Variants in PGBD2 observed in about 807,000 individuals in gnomAD.
PGBD2 encodes the protein piggyBac transposable element-derived protein 2.
A neutral mutation model predicts 8.1 loss-of-function variants in PGBD2; 6 were observed. The ratio of observed to expected loss-of-function variants is 0.74; its 90% CI spans 0.40 to 1.46. The LOEUF is 1.46. Ranked by LOEUF, PGBD2 falls within the 40% of genes most tolerant of loss-of-function variation. The pLI is 0.02. For missense variants in PGBD2, 802 were observed against 739.0 expected (o/e 1.09, Z -0.99); for synonymous variants, 318 against 272.2 (o/e 1.17, Z -1.66).
At chr1:248,922,383 A>G (rs532756797), downstream of PGBD2, among the ~76,000 whole-genome samples, 59 of 152,260 alleles carry the variant, frequency 3.9e-4, no homozygotes, top group African/African-American at 1.3e-3. Flanking sequence ...TTCTAAATAT[A>G]CAATCATGTC....
chr1:248,906,242 G>T lies in PGBD2; in HGVS notation c.-148G>T, dbSNP rs1661627274. On this transcript the variant is annotated 5_prime_UTR_variant, in exon 1 of 3. Coordinates refer to ENST00000329291, the MANE Select transcript of PGBD2 (RefSeq NM_170725.3). ...AGCGAGCCCTCTGGTGCCGGACGTT[G>T]CGCGGCCGCGACGCCCGACGCCAAC... The T allele has an allele frequency of 6.6e-6, 1 of 151,998 alleles. No individual in the cohort carries two copies. The highest frequency in any genetic ancestry group is 6.5e-5 in the Admixed American group (1 of 15,276). 9.4% of individuals were successfully genotyped at this position (151,998 alleles called of 1,614,324 possible).
chr1:248,876,593 T>C, the PGBD2 span, among the ~76,000 whole-genome samples: 1 of 152,210 alleles, frequency 6.6e-6, no homozygotes, highest in East Asian at 1.9e-4. Context: ...TATATTTTGG[T>C]AAATAGGCAG....
chr1:248,875,958 C>T, the PGBD2 span, among the ~76,000 whole-genome samples: 1 of 150,752 alleles, frequency 6.6e-6, no homozygotes, highest in Non-Finnish European at 1.5e-5. Context: ...GTTCCTAGAA[C>T]TGTACACATT....
chr1:248,921,364 A>G (rs546428855), downstream of PGBD2, among the ~76,000 whole-genome samples: 7 of 152,264 alleles, frequency 4.6e-5, no homozygotes, highest in Non-Finnish European at 1.0e-4. Flanking sequence ...CATATGGCTA[A>G]CCAGTTTTCC....
chr1:248,906,851 C>T (rs145736055), intron 1 of PGBD2, among the ~76,000 whole-genome samples: 10 of 152,034 alleles, frequency 6.6e-5, no homozygotes, highest in Non-Finnish European at 1.0e-4. Context: ...TTCTCTTTTG[C>T]TAGTGAGGTG....
the PGBD2 span, among the ~76,000 whole-genome samples, chr1:248,877,482 C>G: frequency 6.6e-6 from 1 of 151,998 alleles, no homozygotes; most frequent in Admixed American, 6.6e-5. Flanking sequence ...CAGGTGCATT[C>G]AGAATAAAGA....
chr1:248,917,400 G>T lies in PGBD2; in HGVS notation c.816G>T (p.Met272Ile). ...AGTTCTACAGCTTTGGCGAGTCTAT[G>T]TGTGAGTACTTTGGGCACCGGGGGT... is the stretch of plus-strand genomic sequence containing the variant. Reference protein sequence around the residue: ...LEEFYSFGESMCEYFGHRGSK... With the variant: ...LEEFYSFGESICEYFGHRGSK... The change falls in exon 3 of 3, where the codon ATG becomes ATT. Residue 272 changes from methionine (M) to isoleucine (I), a missense_variant. Transcript: ENST00000329291. 1 of 1,614,170 alleles carries T rather than the reference G, an allele frequency of 6.2e-7. No individual in the cohort carries two copies. Among genetic ancestry groups the T allele is most frequent in the South Asian group, 1.1e-5 (1 of 91,082 alleles).
downstream of PGBD2, among the ~76,000 whole-genome samples, chr1:248,920,956 C>G (rs1358310892): frequency 6.7e-6 from 1 of 150,330 alleles, no homozygotes; most frequent in Non-Finnish European, 1.5e-5. Context: ...TGAGAAGTGT[C>G]TGTTCATATT....
downstream of PGBD2, among the ~76,000 whole-genome samples, chr1:248,924,243 C>T (rs1052376199): frequency 1.6e-4 from 24 of 152,188 alleles, no homozygotes; most frequent in African/African-American, 5.3e-4. Context: ...CTTTCTTATG[C>T]GCTTTTTTTC....
chr1:248,878,470 C>T, the PGBD2 span, among the ~76,000 whole-genome samples: 2 of 152,200 alleles, frequency 1.3e-5, no homozygotes, highest in Non-Finnish European at 2.9e-5. Context: ...AGCCACCGCA[C>T]CTGCTTCCAC....
At chr1:248,915,701 A>G (rs1196899082) in intron 2 of PGBD2, among the ~76,000 whole-genome samples, 1 of 152,166 alleles carries the variant, frequency 6.6e-6, no homozygotes, top group Non-Finnish European at 1.5e-5. Flanking sequence ...ATGTTTTCCA[A>G]ATTGATTTGG....
rs1298269256 is a variant in PGBD2, at chr1:248,917,746, A to AAAG, written c.1165_1167dup (p.Glu389dup). ...TGAGCGATGTCCCCTAAAAGACCCC[A>AAAG]AAGAACTGAAAAAAATGAAGAGGGG... On this transcript the variant is annotated inframe_insertion, in exon 3 of 3. Transcript: ENST00000329291. 6.2e-7 allele frequency: 1 copy of AAAG among 1,614,210 alleles called. No homozygotes were observed. The highest frequency in any genetic ancestry group is 1.1e-5 in the South Asian group (1 of 91,088).
chr1:248,924,049 C>A (rs890768381), downstream of PGBD2, among the ~76,000 whole-genome samples: 59 of 152,318 alleles, frequency 3.9e-4, no homozygotes, highest in African/African-American at 1.3e-3. Context: ...AGAGTCCACC[C>A]AGCTGGGGTG....
At chr1:248,900,731 G>GT in the PGBD2 span, among the ~76,000 whole-genome samples, 3 of 152,162 alleles carry the variant, frequency 2.0e-5, no homozygotes, top group African/African-American at 2.4e-5. Context: ...GGTATTGGAA[G>GT]TTTTGGCCAG....
At chr1:248,896,848 G>A in the PGBD2 span, among the ~76,000 whole-genome samples, 6 of 152,208 alleles carry the variant, frequency 3.9e-5, no homozygotes, top group South Asian at 2.1e-4. Flanking sequence ...CAAGGGGATC[G>A]CCCGCTCCCA....
the PGBD2 span, among the ~76,000 whole-genome samples, chr1:248,889,963 TG>T: frequency 2.7e-3 from 401 of 151,074 alleles, 1 homozygote; most frequent in African/African-American, 9.5e-3. Flanking sequence ...GTTTCGCTCT[TG>T]TTGCCCAGGC....
the PGBD2 span, among the ~76,000 whole-genome samples, chr1:248,873,137 G>A: frequency 6.6e-6 from 1 of 151,700 alleles, no homozygotes. Context: ...TGAATGCCTG[G>A]ACGAGTGGTA....
chr1:248,872,910 A>C, the PGBD2 span, among the ~76,000 whole-genome samples: 2 of 152,178 alleles, frequency 1.3e-5, no homozygotes, highest in Non-Finnish European at 2.9e-5. Flanking sequence ...GTTTTTGAAA[A>C]ATATTTTAGC....
rs1558289233 is a variant in PGBD2 at position 248,917,119 on chromosome 1, T to C, written c.535T>C (p.Leu179=). Reference sequence around the variant, plus strand: ...CAATTTGAGTCTTACGGCTCAGGAATTGAAGTGTGTTTTGGGCATTTTGAT... The same window carrying C: ...CAATTTGAGTCTTACGGCTCAGGAACTGAAGTGTGTTTTGGGCATTTTGAT... ...NVNLSLTAQE[L]KCVLGILILS... Residue 179 remains leucine (L), a synonymous_variant, in exon 3 of 3, where the codon TTG becomes CTG. Coordinates refer to ENST00000329291, the MANE Select transcript of PGBD2 (RefSeq NM_170725.3). 1 of 1,614,098 alleles carries C rather than the reference T, an allele frequency of 6.2e-7. No homozygotes were observed. Among genetic ancestry groups the C allele is most frequent in the Non-Finnish European group, 8.5e-7 (1 of 1,180,028 alleles).
Sources: allele counts gnomAD v4.1 joint callset (sites outside exome capture counted in the v4.1 genomes callset), GRCh38; gene constraint gnomAD v4.1.1; transcripts MANE v1.5; gene names NCBI Gene and HGNC (gene_info 2026-07-23, HGNC 2026-07-21).